CCSER1: variants seen among roughly 807,000 people sequenced by gnomAD.
CCSER1 encodes serine-rich coiled-coil domain-containing protein 1.
In CCSER1, 41 loss-of-function variants were observed where a neutral mutation model predicts 82.0. That is an observed-to-expected ratio of 0.50 (90% CI 0.39 to 0.65). CCSER1 has a LOEUF of 0.65. CCSER1 is among the 30% of genes least tolerant of loss of function. The pLI is 0.00. For missense variants in CCSER1, 1,119 were observed against 1,064.2 expected, an observed-to-expected ratio of 1.05 and a Z score of -0.72; for synonymous variants, 414 against 383.9, an observed-to-expected ratio of 1.08 and a Z score of -0.92.
intron 10 of CCSER1, among the ~76,000 whole-genome samples, chr4:91,245,818 TCC>T (rs1560540060): frequency 6.6e-6 from 1 of 152,150 alleles, no homozygotes; most frequent in Non-Finnish European, 1.5e-5. Context: ...TGCCTCAGCC[TCC>T]TGAGTAGCTG....
intron 5 of CCSER1, among the ~76,000 whole-genome samples, chr4:90,584,695 A>G (rs1004818007): frequency 2.0e-5 from 3 of 152,254 alleles, no homozygotes; most frequent in South Asian, 2.1e-4. Context: ...AGTGCTTACT[A>G]GCACACTTTT....
intron 1 of CCSER1, among the ~76,000 whole-genome samples, chr4:90,275,810 A>G (rs978639294): frequency 6.6e-5 from 10 of 152,186 alleles, no homozygotes; most frequent in African/African-American, 2.4e-4. Context: ...AATTGATTAT[A>G]CAAGCATATT....
At chr4:91,054,024 A>G (rs1301705794) in intron 9 of CCSER1, among the ~76,000 whole-genome samples, 1 of 152,216 alleles carries the variant, frequency 6.6e-6, no homozygotes, top group Non-Finnish European at 1.5e-5. Context: ...TTGCATGTGT[A>G]TGAGTGTACC....
At chr4:91,002,646 C>T (rs965062654) in intron 9 of CCSER1, among the ~76,000 whole-genome samples, 6 of 151,894 alleles carry the variant, frequency 4.0e-5, no homozygotes, top group East Asian at 1.9e-4. Flanking sequence ...TTTTTCCCTT[C>T]GCTTCTTGTA....
intron 10 of CCSER1, among the ~76,000 whole-genome samples, chr4:91,462,264 T>C (rs1045763410): frequency 6.6e-6 from 1 of 152,226 alleles, no homozygotes; most frequent in African/African-American, 2.4e-5. Context: ...TTTTTATTCA[T>C]ATTTTATGCA....
intron 9 of CCSER1, among the ~76,000 whole-genome samples, chr4:90,971,257 G>T (rs1190763282): frequency 6.6e-6 from 1 of 151,902 alleles, no homozygotes; most frequent in Non-Finnish European, 1.5e-5. Context: ...TAGAATCATG[G>T]TGGAAGGTGA....
intron 4 of CCSER1, among the ~76,000 whole-genome samples, chr4:90,410,173 A>G (rs1754467431): frequency 6.6e-6 from 1 of 152,192 alleles, no homozygotes; most frequent in Non-Finnish European, 1.5e-5. Flanking sequence ...TTCCCACACA[A>G]TAATAATGGG....
chr4:91,277,994 G>A (rs920505126), intron 10 of CCSER1, among the ~76,000 whole-genome samples: 1 of 151,964 alleles, frequency 6.6e-6, no homozygotes, highest in Non-Finnish European at 1.5e-5. Context: ...AGCTTCTAAA[G>A]TTCCTATAGT....
At chr4:91,536,261 C>T (rs1170970751) in intron 10 of CCSER1, among the ~76,000 whole-genome samples, 1 of 152,006 alleles carries the variant, frequency 6.6e-6, no homozygotes, top group African/African-American at 2.4e-5. Flanking sequence ...CTTTTGAATA[C>T]AAGAAATATT....
chr4:90,505,537 C>G (rs116332219), intron 5 of CCSER1, among the ~76,000 whole-genome samples: 1,780 of 152,242 alleles, frequency 0.012, 13 homozygotes, highest in South Asian at 0.022. Flanking sequence ...CAGAGTGAGC[C>G]CTGAGGGCTG....
chr4:90,551,014 G>A (rs1282284079), intron 5 of CCSER1, among the ~76,000 whole-genome samples: 5 of 152,212 alleles, frequency 3.3e-5, no homozygotes, highest in South Asian at 4.2e-4. Flanking sequence ...TCATAAGTGT[G>A]ACCATCTCCC....
chr4:91,113,717 C>T (rs1726286482), intron 10 of CCSER1, among the ~76,000 whole-genome samples: 1 of 152,082 alleles, frequency 6.6e-6, no homozygotes, highest in Non-Finnish European at 1.5e-5. Flanking sequence ...TTTCTATAAG[C>T]TTTTACTAAA....
intron 10 of CCSER1, among the ~76,000 whole-genome samples, chr4:91,342,889 G>A (rs939294038): frequency 6.6e-6 from 1 of 151,872 alleles, no homozygotes. Context: ...CATTTTCCTT[G>A]AGAACATTCA....
intron 5 of CCSER1, among the ~76,000 whole-genome samples, chr4:90,559,133 C>A (rs1169550314): frequency 6.6e-6 from 1 of 152,204 alleles, no homozygotes; most frequent in Non-Finnish European, 1.5e-5. Flanking sequence ...ATGCCACTAT[C>A]TGATTTGTAT....
Position 90,601,921 on chromosome 4 carries a change from A to G in CCSER1, c.1725-26104A>G, listed in dbSNP as rs116440630. Among the ~76,000 whole-genome samples the G allele has an allele frequency of 6.6e-3, 998 of 152,224 alleles. 7 individuals are homozygous for G. The highest frequency in any genetic ancestry group is 0.023 in the African/African-American group (939 of 41,570). On this transcript the variant is annotated intron_variant, in intron 5 of 10. Coordinates refer to ENST00000509176, the MANE Select transcript of CCSER1 (RefSeq NM_001145065.2). ...TATTTGGTCAGAGAACCTACTTTGTATGACTTGAATTCTTTTAAATGTAGT... is the reference window on the plus strand; with the variant it reads ...TATTTGGTCAGAGAACCTACTTTGTGTGACTTGAATTCTTTTAAATGTAGT...
intron 10 of CCSER1, among the ~76,000 whole-genome samples, chr4:91,434,615 G>A (rs552151498): frequency 1.3e-5 from 2 of 152,194 alleles, no homozygotes; most frequent in Admixed American, 1.3e-4. Flanking sequence ...AATATCCACA[G>A]CTTTCCATAA....
At chr4:91,259,546 C>T (rs1740944406) in intron 10 of CCSER1, among the ~76,000 whole-genome samples, 1 of 152,044 alleles carries the variant, frequency 6.6e-6, no homozygotes, top group Admixed American at 6.5e-5. Flanking sequence ...CACCCATCAA[C>T]CTGCCATCTT....
chr4:91,551,255 AAT>A (rs1381590801), intron 10 of CCSER1, among the ~76,000 whole-genome samples: 1 of 152,138 alleles, frequency 6.6e-6, no homozygotes, highest in East Asian at 1.9e-4. Flanking sequence ...AATTGCTTAA[AAT>A]ATAGTTTTGC....
chr4:90,814,930 G>C (rs1758804307), intron 7 of CCSER1, among the ~76,000 whole-genome samples: 2 of 152,078 alleles, frequency 1.3e-5, no homozygotes, highest in Admixed American at 1.3e-4. Flanking sequence ...CCATTACCCA[G>C]TTTCAAAGGT....
Sources: gnomAD v4.1 joint callset for allele counts (sites outside exome capture counted in the v4.1 genomes callset) on GRCh38, gnomAD v4.1.1 for gene constraint, MANE v1.5 for transcripts, NCBI Gene and HGNC (gene_info 2026-07-23, HGNC 2026-07-21) for gene names.